CEMIP: variants seen among roughly 807,000 people sequenced by gnomAD.
CEMIP encodes cell migration inducing hyaluronidase 1.
In CEMIP, 105 loss-of-function variants were observed where a neutral mutation model predicts 156.9. The observed-to-expected ratio is 0.67, with a 90% CI of 0.57 to 0.79. CEMIP has a LOEUF of 0.79. Among genes scored for constraint, CEMIP ranks in the 30% least tolerant of loss-of-function variants. The probability of loss-of-function intolerance (pLI) is 0.00; values close to 1 mark genes in which losing one functional copy is unlikely to be tolerated. For synonymous variants in CEMIP, 676 were observed against 668.4 expected, an observed-to-expected ratio of 1.01 and a Z score of -0.17; for missense variants, 1,457 against 1,769.4, an observed-to-expected ratio of 0.82 and a Z score of 3.17.
At chr15:80,849,793 C>T (rs570468657) in intron 1 of CEMIP, among the ~76,000 whole-genome samples, 4 of 152,208 alleles carry the variant, frequency 2.6e-5, no homozygotes, top group South Asian at 2.1e-4. Context: ...GTGAAATACC[C>T]GAATGGGTGG....
intron 25 of CEMIP, 82 bp from the exon 26 acceptor site, chr15:80,941,767 G>A (rs1171252007): frequency 7.7e-7 from 1 of 1,295,244 alleles, no homozygotes; most frequent in Non-Finnish European, 1.1e-6. Flanking sequence ...GACCAGCTCA[G>A]AGTAAATGTC....
intron 14 of CEMIP, chr15:80,909,896 A>G (rs528573089): frequency 2.9e-5 from 9 of 306,146 alleles, no homozygotes; most frequent in African/African-American, 1.9e-4. Flanking sequence ...ACTGGACATC[A>G]CAAAATGGTA....
At chr15:80,804,844 G>A (rs1896471873) in intron 1 of CEMIP, among the ~76,000 whole-genome samples, 1 of 152,124 alleles carries the variant, frequency 6.6e-6, no homozygotes, top group Non-Finnish European at 1.5e-5. Context: ...AAGCAAAAGG[G>A]CCACATAGGA....
intron 1 of CEMIP, among the ~76,000 whole-genome samples, chr15:80,871,001 A>G (rs1898269640): frequency 6.6e-6 from 1 of 152,212 alleles, no homozygotes; most frequent in African/African-American, 2.4e-5. Context: ...GTTAGCTAAC[A>G]TGCACTCTTC....
At chr15:80,825,660 T>C (rs1433012927) in intron 1 of CEMIP, among the ~76,000 whole-genome samples, 1 of 152,114 alleles carries the variant, frequency 6.6e-6, no homozygotes, top group East Asian at 1.9e-4. Context: ...AGAACAAAAG[T>C]GAGAGAGGCA....
intron 1 of CEMIP, among the ~76,000 whole-genome samples, chr15:80,866,532 A>G (rs919258019): frequency 6.6e-5 from 10 of 151,980 alleles, no homozygotes; most frequent in African/African-American, 2.4e-4. Context: ...CAGAGGTTGC[A>G]GTGAGCTGAG....
intron 23 of CEMIP, 132 bp from the exon 24 acceptor site, chr15:80,936,542 G>A: frequency 1.2e-6 from 1 of 823,846 alleles, no homozygotes; most frequent in Non-Finnish European, 2.1e-6. Context: ...TTTCATTCAA[G>A]CCTTCTAAAA....
chr15:80,947,138 T>C (rs1901592159), intron 29 of CEMIP, 73 bp downstream of exon 29: 1 of 961,790 alleles, frequency 1.0e-6, no homozygotes, highest in South Asian at 1.3e-5. Context: ...GAGGGTGCTG[T>C]CATCTTTTGC....
At chr15:80,802,010 G>C (rs1043159027) in intron 1 of CEMIP, among the ~76,000 whole-genome samples, 1 of 152,198 alleles carries the variant, frequency 6.6e-6, no homozygotes, top group African/African-American at 2.4e-5. Flanking sequence ...TGAGCATCTG[G>C]AGAGTGTGGT....
intron 12 of CEMIP, 165 bp downstream of exon 12, chr15:80,896,225 A>G: frequency 2.6e-6 from 2 of 759,764 alleles, no homozygotes; most frequent in Non-Finnish European, 4.6e-6. Flanking sequence ...TTTCTTACTC[A>G]TGTATCTGCA....
chr15:80,824,478 CCTCTT>C (rs1318727631), intron 1 of CEMIP, among the ~76,000 whole-genome samples: 2 of 152,202 alleles, frequency 1.3e-5, no homozygotes, highest in African/African-American at 2.4e-5. Flanking sequence ...CCTGTCCTCT[CCTCTT>C]AAGACCCAAG....
chr15:80,812,847 G>A (rs999765748), intron 1 of CEMIP, among the ~76,000 whole-genome samples: 6 of 152,286 alleles, frequency 3.9e-5, no homozygotes, highest in African/African-American at 1.4e-4. Context: ...CGTAGGCTGG[G>A]CAATAATCAC....
At chr15:80,828,542 G>C (rs371598420) in intron 1 of CEMIP, among the ~76,000 whole-genome samples, 37 of 152,178 alleles carry the variant, frequency 2.4e-4, no homozygotes, top group African/African-American at 4.3e-4. Flanking sequence ...ATACTAGAAG[G>C]GTTGTTCATT....
At chr15:80,839,921 C>T (rs140057789) in intron 1 of CEMIP, among the ~76,000 whole-genome samples, 61 of 152,360 alleles carry the variant, frequency 4.0e-4, no homozygotes, top group African/African-American at 1.3e-3. Context: ...CTATCCACCG[C>T]ATTTTATAGC....
intron 1 of CEMIP, among the ~76,000 whole-genome samples, chr15:80,805,602 A>C (rs1008285335): frequency 1.3e-5 from 2 of 152,238 alleles, no homozygotes; most frequent in African/African-American, 4.8e-5. Flanking sequence ...CTGTTGAATT[A>C]ATTAACTTTA....
At chr15:80,920,929 A>G in intron 15 of CEMIP, 103 bp from the exon 16 acceptor site, 1 of 849,574 alleles carries the variant, frequency 1.2e-6, no homozygotes, top group Non-Finnish European at 2.0e-6. Flanking sequence ...CTGATAAGAG[A>G]CTATCAGGCC....
intron 9 of CEMIP, 52 bp from the exon 10 acceptor site, chr15:80,889,419 T>G: frequency 1.2e-6 from 2 of 1,612,808 alleles, no homozygotes; most frequent in South Asian, 1.1e-5. Flanking sequence ...TGAGTGTGAC[T>G]TGCCCTCACA....
intron 16 of CEMIP, 65 bp downstream of exon 16, chr15:80,921,166 G>T: frequency 1.4e-6 from 2 of 1,407,366 alleles, no homozygotes; most frequent in Non-Finnish European, 2.0e-6. Flanking sequence ...GGAGACAGCC[G>T]AGGCTTACCT....
intron 12 of CEMIP, among the ~76,000 whole-genome samples, chr15:80,898,060 G>A (rs1256933795): frequency 6.6e-6 from 1 of 152,198 alleles, no homozygotes; most frequent in Non-Finnish European, 1.5e-5. Flanking sequence ...TCTGTGTGGG[G>A]CTATTTGCAG....
Sources: gnomAD v4.1 joint callset for allele counts (sites outside exome capture counted in the v4.1 genomes callset) on GRCh38, gnomAD v4.1.1 for gene constraint, MANE v1.5 for transcripts, NCBI Gene and HGNC (gene_info 2026-07-23, HGNC 2026-07-21) for gene names.